PSTPIP2: variants seen among roughly 807,000 people sequenced by gnomAD.
The protein encoded by PSTPIP2 is proline-serine-threonine phosphatase interacting protein 2.
A neutral mutation model predicts 63.3 loss-of-function variants in PSTPIP2; 33 were observed. The ratio of observed to expected loss-of-function variants is 0.52; its 90% CI spans 0.40 to 0.70. PSTPIP2 has a LOEUF of 0.70. PSTPIP2 is among the 30% of genes least tolerant of loss of function. PSTPIP2 has a pLI of 0.00. For synonymous variants in PSTPIP2, 125 were observed against 132.7 expected (o/e 0.94, Z 0.40); for missense variants, 312 against 400.7 (o/e 0.78, Z 1.89).
At chr18:46,009,362 T>TAAAAAAAAAAAAAAAA (rs749693553) in intron 5 of PSTPIP2, among the ~76,000 whole-genome samples, 1 of 46,818 alleles carries the variant, frequency 2.1e-5, no homozygotes. Context: ...TTTTATGGTG[T>TAAAAAAAAAAAAAAAA]AAAAAAAAAA....
chr18:46,006,718 G>A (rs1157372230), intron 5 of PSTPIP2, among the ~76,000 whole-genome samples: 2 of 152,014 alleles, frequency 1.3e-5, no homozygotes, highest in African/African-American at 2.4e-5. Context: ...TAAATGCCTC[G>A]CTTGGGAGTA....
intron 1 of PSTPIP2, among the ~76,000 whole-genome samples, chr18:46,055,057 G>A (rs1034952248): frequency 6.6e-6 from 1 of 152,140 alleles, no homozygotes; most frequent in African/African-American, 2.4e-5. Flanking sequence ...CAGCAATTTG[G>A]CCAGTTCCTG....
rs118183818 is a variant in PSTPIP2 at position 46,043,033 on chromosome 18, G to T, written c.34-2986C>A. Among the ~76,000 whole-genome samples, 14 of 152,016 alleles carry T rather than the reference G, an allele frequency of 9.2e-5. 1 individual carries two copies. The East Asian group carries it at 2.7e-3, about 29-fold the overall frequency. On this transcript the variant is annotated intron_variant, in intron 1 of 14. Transcript: ENST00000409746. ...TCTGTGGTTTTGGTTTGTGTTTCCA[G>T]GAAACTCTGGCCTAGTTCCACCCGT...
chr18:46,033,650 A>G (rs1907861430), intron 2 of PSTPIP2, among the ~76,000 whole-genome samples: 1 of 150,802 alleles, frequency 6.6e-6, no homozygotes. Flanking sequence ...GTGAGCTGAG[A>G]TCATGCCACT....
chr18:45,985,059 A>C lies in PSTPIP2; in HGVS notation c.*400T>G. 1 of 226,584 alleles carries C rather than the reference A, an allele frequency of 4.4e-6. No individual in the cohort carries two copies. Among genetic ancestry groups the C allele is most frequent in the Non-Finnish European group, 8.5e-6 (1 of 117,918 alleles). 14.0% of individuals were successfully genotyped at this position (226,584 alleles called of 1,614,324 possible). ...CCACTGAGGCTGTGTGTCGCCGTGGAAACTCCACAGCCAGGCTGCCCAAAG... is the reference window on the plus strand; with the variant it reads ...CCACTGAGGCTGTGTGTCGCCGTGGCAACTCCACAGCCAGGCTGCCCAAAG... On this transcript the variant is annotated 3_prime_UTR_variant, in exon 15 of 15. Coordinates refer to ENST00000409746, the MANE Select transcript of PSTPIP2 (RefSeq NM_024430.4).
chr18:46,005,573 A>T lies in PSTPIP2; in HGVS notation c.355-42T>A, dbSNP rs566770028. 45 of 1,377,426 alleles carry T rather than the reference A, an allele frequency of 3.3e-5. No homozygotes were observed. The Admixed American group carries it at 5.2e-4, about 16-fold the overall frequency. 85.3% of individuals were successfully genotyped at this position (1,377,426 alleles called of 1,614,324 possible). A position where few individuals can be genotyped will look rare whatever the true frequency, so the allele number is the denominator to read the frequency against. On this transcript the variant is annotated intron_variant, in intron 5 of 14. Transcript: ENST00000409746. ...AACACTCTTAATAAAAACACAAATC[A>T]TTATTAATAAAAACAGAAATCATTA... is the stretch of plus-strand genomic sequence containing the variant.
At chr18:46,049,890 C>CA (rs919810698) in intron 1 of PSTPIP2, among the ~76,000 whole-genome samples, 7 of 148,810 alleles carry the variant, frequency 4.7e-5, no homozygotes, top group East Asian at 3.9e-4. Flanking sequence ...AAAAACAAAA[C>CA]AAAAAAAAAG....
chr18:46,046,378 G>C (rs1017048497), intron 1 of PSTPIP2, among the ~76,000 whole-genome samples: 1 of 152,174 alleles, frequency 6.6e-6, no homozygotes, highest in Non-Finnish European at 1.5e-5. Flanking sequence ...TCTCCAGCCC[G>C]TTCCTCTCAT....
At position 46,034,823 on chromosome 18, in the gene PSTPIP2, GA is replaced by G. The variant is rs1400387725; in HGVS notation, c.134+5123del. ...AAAACTTACCATACAGAGTTTTTAT[GA>G]GAATTAAATAATATATACAAAACAC... On this transcript the variant is annotated intron_variant, in intron 2 of 14. Transcript: ENST00000409746. Among the ~76,000 whole-genome samples, 14 of 152,232 alleles carry G rather than the reference GA, an allele frequency of 9.2e-5. No individual in the cohort carries two copies. The East Asian group carries it at 2.5e-3, about 27-fold the overall frequency.
At chr18:46,018,400 C>CT (rs60170978) in intron 3 of PSTPIP2, among the ~76,000 whole-genome samples, 2,924 of 147,650 alleles carry the variant, frequency 0.02, 88 homozygotes, top group African/African-American at 0.065. Context: ...TCGTTGATAT[C>CT]TTTTTTTTTT....
intron 8 of PSTPIP2, among the ~76,000 whole-genome samples, chr18:45,998,448 AC>A (rs1219138114): frequency 2.6e-5 from 4 of 152,130 alleles, no homozygotes; most frequent in African/African-American, 9.7e-5. Flanking sequence ...CAGAGGAAGC[AC>A]CTGATTGCAA....
At position 45,990,716 on chromosome 18, in the gene PSTPIP2, G is replaced by T. The variant is rs749066562; in HGVS notation, c.955+6C>A. 6.2e-7 allele frequency: 1 copy of T among 1,602,986 alleles called. No individual in the cohort carries two copies. ...GAATTTCAAAAGACCTTTTTTAGTG[G>T]CATACCTGGTGAGCTTTTAGGAATT... On this transcript the variant is annotated splice_donor_region_variant and intron_variant, in intron 13 of 14. Coordinates refer to ENST00000409746, the MANE Select transcript of PSTPIP2 (RefSeq NM_024430.4).
intron 1 of PSTPIP2, among the ~76,000 whole-genome samples, chr18:46,048,258 T>A (rs1206785758): frequency 6.6e-6 from 1 of 152,194 alleles, no homozygotes; most frequent in East Asian, 1.9e-4. Context: ...CACAAGGCAG[T>A]GAGTACAGGC....
chr18:45,990,809 A>AT, intron 12 of PSTPIP2, 53 bp from the exon 13 acceptor site: 1 of 1,440,308 alleles, frequency 6.9e-7, no homozygotes, highest in Non-Finnish European at 9.7e-7. Flanking sequence ...TATTTTTATA[A>AT]TCTTTTTACT....
Position 46,038,416 on chromosome 18 carries a change from G to A in PSTPIP2, c.134+1531C>T, listed in dbSNP as rs142501290. 3.1e-3 allele frequency among the ~76,000 whole-genome samples: 479 copies of A among 152,252 alleles called. 2 individuals carry two copies. The highest frequency in any genetic ancestry group is 0.011 in the African/African-American group (460 of 41,550). ...CAGTCAGTGCCTGGGGTCCTGAGCCGACAGACACTTCCTTCCTCTGCAGAT... is the reference window on the plus strand; with the variant it reads ...CAGTCAGTGCCTGGGGTCCTGAGCCAACAGACACTTCCTTCCTCTGCAGAT... On this transcript the variant is annotated intron_variant, in intron 2 of 14. Coordinates refer to ENST00000409746, the MANE Select transcript of PSTPIP2 (RefSeq NM_024430.4).
chr18:46,049,045 TGTGTGTGTGTGG>T (rs1193245209), intron 1 of PSTPIP2, among the ~76,000 whole-genome samples: 1 of 147,282 alleles, frequency 6.8e-6, no homozygotes, highest in Admixed American at 6.8e-5. Flanking sequence ...TGTGTGTGTG[TGTGTGTGTGTGG>T]AGAGAGAGAG....
rs1908124609 is a variant in PSTPIP2 at position 46,039,833 on chromosome 18, C to A, written c.134+114G>T. On this transcript the variant is annotated intron_variant, in intron 2 of 14. Coordinates refer to ENST00000409746, the MANE Select transcript of PSTPIP2 (RefSeq NM_024430.4). ...TCAGGTATCATTCCATAACCTAGAG[C>A]AGAGAGAGGGTCTTCAGAACCATTA... 5.1e-5 allele frequency: 44 copies of A among 865,612 alleles called. No individual in the cohort carries two copies. The South Asian group carries it at 5.3e-4, about 10-fold the overall frequency. The allele number at this position is 865,612 out of a possible 1,614,324, so 53.6% of individuals were successfully genotyped here.
chr18:46,062,506 A>T (rs549822304), intron 1 of PSTPIP2, among the ~76,000 whole-genome samples: 1 of 135,104 alleles, frequency 7.4e-6, no homozygotes, highest in African/African-American at 2.7e-5. Context: ...GAAAAAGAAA[A>T]AGAAACTTGC....
chr18:46,012,134 T>C (rs761656476), intron 4 of PSTPIP2, among the ~76,000 whole-genome samples: 2 of 152,032 alleles, frequency 1.3e-5, no homozygotes, highest in Admixed American at 6.5e-5. Context: ...CCAATAAACA[T>C]TTGGAAATAC....
Sources: allele counts gnomAD v4.1 joint callset (sites outside exome capture counted in the v4.1 genomes callset), GRCh38; gene constraint gnomAD v4.1.1; transcripts MANE v1.5; gene names NCBI Gene and HGNC (gene_info 2026-07-23, HGNC 2026-07-21).